SGCD: variants seen among roughly 807,000 people sequenced by gnomAD.
SGCD encodes the protein delta-sarcoglycan.
A neutral mutation model predicts 36.6 loss-of-function variants in SGCD; 18 were observed. The ratio of observed to expected loss-of-function variants is 0.49; its 90% CI spans 0.34 to 0.73. SGCD has a LOEUF of 0.73. Among genes scored for constraint, SGCD ranks in the 30% least tolerant of loss-of-function variants. The pLI is 0.01. For missense variants in SGCD, 387 were observed against 346.7 expected (o/e 1.12, Z -0.92); for synonymous variants, 133 against 130.6 (o/e 1.02, Z -0.12).
chr5:156,563,928 C>T (rs1292018331), intron 4 of SGCD, among the ~76,000 whole-genome samples: 1 of 152,168 alleles, frequency 6.6e-6, no homozygotes, highest in Non-Finnish European at 1.5e-5. Context: ...CCCTCAAGTT[C>T]TTCAGACTAA....
At chr5:156,403,018 T>A (rs1772234551) in intron 3 of SGCD, among the ~76,000 whole-genome samples, 1 of 152,168 alleles carries the variant, frequency 6.6e-6, no homozygotes, top group African/African-American at 2.4e-5. Flanking sequence ...ATAGCAGAAG[T>A]TAGGTATTAT....
chr5:156,352,807 A>G (rs1769321888), intron 3 of SGCD, among the ~76,000 whole-genome samples: 1 of 152,208 alleles, frequency 6.6e-6, no homozygotes, highest in Admixed American at 6.5e-5. Flanking sequence ...CAAGAAGTGC[A>G]GTAACTTGCC....
chr5:155,872,569 C>A (rs1755677542), intron 1 of SGCD, among the ~76,000 whole-genome samples: 1 of 152,082 alleles, frequency 6.6e-6, no homozygotes, highest in South Asian at 2.1e-4. Flanking sequence ...TTAAAGGATG[C>A]TATGCTTTTG....
intron 3 of SGCD, among the ~76,000 whole-genome samples, chr5:156,494,666 AAAT>A (rs1248402614): frequency 1.3e-5 from 2 of 152,140 alleles, no homozygotes; most frequent in Non-Finnish European, 2.9e-5. Flanking sequence ...CTAGTCACAC[AAAT>A]AATAAAAAAT....
the SGCD span, among the ~76,000 whole-genome samples, chr5:155,755,275 G>C: frequency 6.6e-6 from 1 of 152,124 alleles, no homozygotes; most frequent in Admixed American, 6.5e-5. Context: ...AAAAAGATTA[G>C]TAATTTATTG....
At position 156,562,698 on chromosome 5, in the gene SGCD, G is replaced by A. The variant is rs549441635; in HGVS notation, c.295-26533G>A. Among the ~76,000 whole-genome samples the A allele has an allele frequency of 3.3e-5, 5 of 152,112 alleles. No individual in the cohort carries two copies. The South Asian group carries it at 6.2e-4, about 19-fold the overall frequency. On this transcript the variant is annotated intron_variant, in intron 4 of 8. Coordinates refer to ENST00000337851, the MANE Select transcript of SGCD (RefSeq NM_000337.6). ...ACAGTGGGGCTGGGAGCTGAGAGAG[G>A]CCATTGCAGAAATCCAGGTAACAGG...
chr5:156,626,403 CT>C (rs1762443098), intron 6 of SGCD, among the ~76,000 whole-genome samples: 1 of 152,226 alleles, frequency 6.6e-6, no homozygotes, highest in South Asian at 2.1e-4. Flanking sequence ...GCCCAGCTAT[CT>C]CTCTAGCCTG....
chr5:155,858,150 CTG>C, the SGCD span, among the ~76,000 whole-genome samples: 334 of 152,220 alleles, frequency 2.2e-3, 3 homozygotes, highest in Middle Eastern at 6.8e-3. Context: ...AGTCTATTGT[CTG>C]TGTTTCATTT....
At chr5:155,933,068 G>T (rs1347562380) in intron 1 of SGCD, among the ~76,000 whole-genome samples, 3 of 152,158 alleles carry the variant, frequency 2.0e-5, no homozygotes, top group Admixed American at 2.0e-4. Flanking sequence ...TTAGAGACAG[G>T]GCTGCAACTA....
At chr5:155,853,940 A>G in the SGCD span, among the ~76,000 whole-genome samples, 1 of 152,200 alleles carries the variant, frequency 6.6e-6, no homozygotes, top group Non-Finnish European at 1.5e-5. Flanking sequence ...TGGCAGATTG[A>G]AACACAGCAA....
the SGCD span, among the ~76,000 whole-genome samples, chr5:155,744,091 A>G: frequency 3.3e-5 from 5 of 152,226 alleles, no homozygotes; most frequent in Admixed American, 2.6e-4. Flanking sequence ...CAGATATCAG[A>G]AAGAAAACAG....
chr5:156,476,904 G>A (rs930494237), intron 3 of SGCD, among the ~76,000 whole-genome samples: 3 of 152,104 alleles, frequency 2.0e-5, no homozygotes, highest in Admixed American at 6.6e-5. Flanking sequence ...AGATCTTAGC[G>A]CTGTGATCTC....
At chr5:156,741,440 C>A (rs1756668455) in intron 7 of SGCD, among the ~76,000 whole-genome samples, 1 of 152,172 alleles carries the variant, frequency 6.6e-6, no homozygotes, top group Non-Finnish European at 1.5e-5. Flanking sequence ...GAAAGGGACC[C>A]AGTTTCCCAT....
At position 156,533,180 on chromosome 5, in the gene SGCD, C is replaced by T. The variant is rs1757960068; in HGVS notation, c.294+24478C>T. ...CATTGTGGTTTCTCTGGTCATTCCT[C>T]ACACCCCCTCTGATGGCTTCTGTAC... On this transcript the variant is annotated intron_variant, in intron 4 of 8. Transcript: ENST00000337851. 2.6e-5 allele frequency among the ~76,000 whole-genome samples: 4 copies of T among 152,162 alleles called. No homozygotes were observed. In the South Asian group the frequency reaches 8.3e-4, roughly 32 times the overall value.
chr5:156,355,876 A>G (rs930738783), intron 3 of SGCD, among the ~76,000 whole-genome samples: 1 of 152,112 alleles, frequency 6.6e-6, no homozygotes, highest in Non-Finnish European at 1.5e-5. Context: ...AACTCAAGTG[A>G]TTTGCCTGCC....
At chr5:155,994,752 G>T (rs1758504473) in intron 1 of SGCD, among the ~76,000 whole-genome samples, 1 of 152,156 alleles carries the variant, frequency 6.6e-6, no homozygotes, top group South Asian at 2.1e-4. Flanking sequence ...ATGTTAATTA[G>T]AATGTCAAGG....
intron 4 of SGCD, among the ~76,000 whole-genome samples, chr5:156,573,409 C>T (rs1759801074): frequency 6.6e-6 from 1 of 152,192 alleles, no homozygotes; most frequent in Non-Finnish European, 1.5e-5. Context: ...ATGACTGCCC[C>T]ACCCAGGTGA....
In SGCD at chr5:156,057,901, G is replaced by A. The variant is rs1304122972; in HGVS notation, c.-281-59977G>A. On this transcript the variant is annotated intron_variant, in intron 1 of 9. Transcript: ENST00000517913. Reference sequence around the variant, plus strand: ...CAAATTATCTTGGAAAGTAATAAAGGAAAGAATTAAGCATTCATCTTGTCT... The same window carrying A: ...CAAATTATCTTGGAAAGTAATAAAGAAAAGAATTAAGCATTCATCTTGTCT... Among the ~76,000 whole-genome samples, 4 of 146,050 alleles carry A rather than the reference G, an allele frequency of 2.7e-5. 2 individuals carry two copies. The highest frequency in any genetic ancestry group is 9.8e-5 in the African/African-American group (4 of 40,656).
chr5:155,994,938 T>C (rs1758509173), intron 1 of SGCD, among the ~76,000 whole-genome samples: 1 of 152,186 alleles, frequency 6.6e-6, no homozygotes, highest in Non-Finnish European at 1.5e-5. Context: ...GAGAGTAGCT[T>C]AGCAAAGGCC....
Sources: allele counts gnomAD v4.1 joint callset (sites outside exome capture counted in the v4.1 genomes callset), GRCh38; gene constraint gnomAD v4.1.1; transcripts MANE v1.5; gene names NCBI Gene and HGNC (gene_info 2026-07-23, HGNC 2026-07-21).